Variants in RORA observed in about 807,000 individuals in gnomAD.
RORA encodes nuclear receptor ROR-alpha.
A neutral mutation model predicts 69.5 loss-of-function variants in RORA; 7 were observed. The ratio of observed to expected loss-of-function variants is 0.10; its 90% confidence interval spans 0.06 to 0.19. The LOEUF is 0.19. Among genes scored for constraint, RORA ranks in the 10% least tolerant of loss-of-function variants. RORA has a pLI of 1.00. For missense variants in RORA, 457 were observed against 663.0 expected (o/e 0.69, Z 3.41); for synonymous variants, 261 against 240.8 (o/e 1.08, Z -0.78).
chr15:60,942,752 G>T (rs1471439808), intron 1 of RORA, among the ~76,000 whole-genome samples: 1 of 152,030 alleles, frequency 6.6e-6, no homozygotes, highest in East Asian at 1.9e-4. Flanking sequence ...TAATCTTTAG[G>T]TTTATGTGCA....
At chr15:60,698,558 A>C (rs1428759895) in intron 1 of RORA, among the ~76,000 whole-genome samples, 3 of 151,474 alleles carry the variant, frequency 2.0e-5, no homozygotes, top group Non-Finnish European at 2.9e-5. Flanking sequence ...TTATGTCATA[A>C]TTACTTTTTT....
At chr15:60,644,980 C>T (rs1271402138) in intron 2 of RORA, among the ~76,000 whole-genome samples, 6 of 152,264 alleles carry the variant, frequency 3.9e-5, no homozygotes, top group Admixed American at 3.3e-4. Flanking sequence ...AGTACTATTT[C>T]GTTAACTGAG....
intron 2 of RORA, among the ~76,000 whole-genome samples, chr15:60,556,328 G>A (rs564803770): frequency 3.3e-5 from 5 of 152,246 alleles, no homozygotes; most frequent in African/African-American, 1.2e-4. Context: ...AAAATTGAGG[G>A]TGCTGTGCAA....
At chr15:60,573,900 G>A (rs1392111390) in intron 2 of RORA, among the ~76,000 whole-genome samples, 1 of 152,210 alleles carries the variant, frequency 6.6e-6, no homozygotes, top group Non-Finnish European at 1.5e-5. Flanking sequence ...CTCCTTGAAG[G>A]CAGGGACCAC....
At chr15:61,116,115 A>T (rs1436514743) in intron 1 of RORA, among the ~76,000 whole-genome samples, 4 of 152,216 alleles carry the variant, frequency 2.6e-5, no homozygotes, top group African/African-American at 9.6e-5. Context: ...TTGACGCAGG[A>T]TGAACCATTT....
chr15:60,514,717 G>T lies in RORA; in HGVS notation c.323C>A (p.Ser108Tyr). Residue 108 changes from serine (S) to tyrosine (Y), a missense_variant, in exon 4 of 11, where the codon TCC (serine) becomes TAC (tyrosine). Transcript: ENST00000335670. ...RRSQQSNATY[S>Y]CPRQKNCLID... ...CAAACAGTTCTTCTGACGAGGACAGGAGTAGGTGGCATTGCTTTGCTGACT... is the reference window on the plus strand; with the variant it reads ...CAAACAGTTCTTCTGACGAGGACAGTAGTAGGTGGCATTGCTTTGCTGACT... 1 of 1,613,988 alleles carries T rather than the reference G, an allele frequency of 6.2e-7. No individual in the cohort carries two copies.
At chr15:61,183,605 T>A (rs2079710113) in intron 1 of RORA, among the ~76,000 whole-genome samples, 1 of 152,144 alleles carries the variant, frequency 6.6e-6, no homozygotes, top group Non-Finnish European at 1.5e-5. Context: ...TTTCCCTCCT[T>A]TCAAACCCTT....
chr15:60,517,488 T>TATTTTATTTTATTTTATTTTA (rs2066004596), intron 3 of RORA, among the ~76,000 whole-genome samples: 1 of 140,520 alleles, frequency 7.1e-6, no homozygotes, highest in African/African-American at 3.3e-5. Flanking sequence ...ATTTTATTGT[T>TATTTTATTTTATTTTATTTTA]TGTGTGTGTC....
intron 1 of RORA, among the ~76,000 whole-genome samples, chr15:60,686,496 C>A (rs897018020): frequency 1.3e-5 from 2 of 152,120 alleles, no homozygotes; most frequent in Non-Finnish European, 2.9e-5. Context: ...GCTATCCATT[C>A]GATATTACCT....
At chr15:60,749,626 C>T (rs1052602292) in intron 1 of RORA, among the ~76,000 whole-genome samples, 7 of 152,322 alleles carry the variant, frequency 4.6e-5, no homozygotes, top group African/African-American at 1.7e-4. Flanking sequence ...TGTTAGCACA[C>T]TTAGACACTG....
rs77882375 is a variant in RORA, at chr15:61,109,471, C to T, written c.166+119582G>A. 9.6e-3 allele frequency among the ~76,000 whole-genome samples: 1,459 copies of T among 152,292 alleles called. 58 individuals carry two copies. The highest frequency in any genetic ancestry group is 0.072 in the Admixed American group (1,104 of 15,306). On this transcript the variant is annotated intron_variant, in intron 1 of 10. Coordinates refer to ENST00000335670, the MANE Select transcript of RORA (RefSeq NM_134261.3). ...GAAACCAGGTGGTTTCAGTCAACAC[C>T]TCACTGCCTCTGTTATCACATGGTT...
intron 1 of RORA, among the ~76,000 whole-genome samples, chr15:61,160,728 T>C (rs975268204): frequency 6.6e-6 from 1 of 152,166 alleles, no homozygotes; most frequent in Non-Finnish European, 1.5e-5. Flanking sequence ...TCATAATTGA[T>C]CACAGAAAAG....
chr15:61,202,694 G>A (rs1194627549), intron 1 of RORA, among the ~76,000 whole-genome samples: 1 of 152,010 alleles, frequency 6.6e-6, no homozygotes, highest in Non-Finnish European at 1.5e-5. Context: ...ATGTAAGAAA[G>A]ACTAGAAAAA....
At position 61,213,981 on chromosome 15, in the gene RORA, G is replaced by A. The variant is rs1023865784; in HGVS notation, c.166+15072C>T. 2 of 152,140 alleles carry A rather than the reference G, an allele frequency of 1.3e-5. No individual in the cohort carries two copies. Among genetic ancestry groups the A allele is most frequent in the Non-Finnish European group, 2.9e-5 (2 of 68,026 alleles). 9.4% of individuals were successfully genotyped at this position (152,140 alleles called of 1,614,324 possible). A position where few individuals can be genotyped will look rare whatever the true frequency, so the allele number is the denominator to read the frequency against. ...TTCACATATTGATTCTAAACTGCAC[G>A]TCACTAGCATCCTGAGGGCATTCAC... On this transcript the variant is annotated intron_variant, in intron 1 of 10. Coordinates refer to ENST00000335670, the MANE Select transcript of RORA (RefSeq NM_134261.3). The surrounding 1 kb of genome is among the most constrained non-coding windows in gnomAD (Gnocchi z 4.1).
At chr15:60,525,869 G>C (rs1020537280) in intron 3 of RORA, among the ~76,000 whole-genome samples, 15 of 152,130 alleles carry the variant, frequency 9.9e-5, no homozygotes, top group Non-Finnish European at 1.8e-4. Flanking sequence ...GAAGCATGGG[G>C]GTGAGAAGGA....
chr15:61,187,302 C>A (rs1452914396), intron 1 of RORA, among the ~76,000 whole-genome samples: 1 of 152,216 alleles, frequency 6.6e-6, no homozygotes, highest in Non-Finnish European at 1.5e-5. Context: ...ACAGGCGGCC[C>A]GCCAGGCCCA....
At chr15:61,083,822 T>C (rs1047344887) in intron 1 of RORA, among the ~76,000 whole-genome samples, 8 of 151,942 alleles carry the variant, frequency 5.3e-5, no homozygotes, top group Non-Finnish European at 1.0e-4. Context: ...CTCTTGTTTA[T>C]CAAGTCTAAA....
intron 1 of RORA, among the ~76,000 whole-genome samples, chr15:60,832,604 C>G (rs1447667720): frequency 2.6e-5 from 4 of 152,070 alleles, no homozygotes; most frequent in African/African-American, 7.2e-5. Flanking sequence ...GTAGCATACT[C>G]TTAGACATCT....
intron 1 of RORA, among the ~76,000 whole-genome samples, chr15:60,878,170 CAAAAAA>C (rs11362081): frequency 0.014 from 1,010 of 69,682 alleles, 18 homozygotes; most frequent in African/African-American, 0.042. Flanking sequence ...ACTAAAAATA[CAAAAAA>C]AAAAAAAAAA....
Sources: allele counts gnomAD v4.1 joint callset (sites outside exome capture counted in the v4.1 genomes callset), GRCh38; gene constraint gnomAD v4.1.1; non-coding constraint Gnocchi (gnomAD v3.1); transcripts MANE v1.5; gene names NCBI Gene and HGNC (gene_info 2026-07-23, HGNC 2026-07-21).